The following A2M variants were observed in gnomAD, a reference collection of about 807,000 sequenced individuals.
The protein encoded by A2M is alpha-2-macroglobulin.
In A2M, 128 loss-of-function variants were observed where a neutral mutation model predicts 183.9. That is an observed-to-expected ratio of 0.70 (90% confidence interval 0.60 to 0.81). The LOEUF is 0.81. Among genes scored for constraint, A2M ranks in the 30% least tolerant of loss-of-function variants. The pLI, the probability that A2M is intolerant of heterozygous loss-of-function variation, is 0.00. For synonymous variants in A2M, 592 were observed against 670.8 expected, an observed-to-expected ratio of 0.88 and a Z score of 1.81; for missense variants, 1,495 against 1,787.6, an observed-to-expected ratio of 0.84 and a Z score of 2.95.
At chr12:9,084,723 G>A (rs1412626355) in intron 22 of A2M, among the ~76,000 whole-genome samples, 1 of 151,962 alleles carries the variant, frequency 6.6e-6, no homozygotes, top group Non-Finnish European at 1.5e-5. Context: ...CCATTTAAAA[G>A]ACATAAAGTG....
intron 22 of A2M, among the ~76,000 whole-genome samples, chr12:9,081,306 T>C (rs1341796986): frequency 6.6e-6 from 1 of 151,984 alleles, no homozygotes; most frequent in Non-Finnish European, 1.5e-5. Flanking sequence ...TTGGCAAAAA[T>C]TAAAATTAAA....
intron 12 of A2M, 43 bp downstream of exon 12, chr12:9,101,404 C>T: frequency 6.6e-7 from 1 of 1,524,054 alleles, no homozygotes; most frequent in Non-Finnish European, 9.0e-7. Flanking sequence ...CCACAGAGAG[C>T]TTTTGTCTAC....
In A2M at chr12:9,098,770, A is replaced by G. The variant is rs780835932; in HGVS notation, c.1702-14T>C. 6 of 1,611,042 alleles carry G rather than the reference A, an allele frequency of 3.7e-6. No individual in the cohort carries two copies. Among genetic ancestry groups the G allele is most frequent in the Non-Finnish European group, 8.5e-7 (1 of 1,178,748 alleles). ...GCTCAAATCCACCTGTGAAATTGGA[A>G]CAAAAGGTCAGAAAAGCAAATTTCC... On this transcript the variant is annotated splice_polypyrimidine_tract_variant and intron_variant, in intron 14 of 35. Coordinates refer to ENST00000318602, the MANE Select transcript of A2M (RefSeq NM_000014.6).
rs1938442152 is a variant in A2M, at chr12:9,108,096, C to T, written c.759-452G>A. Reference sequence around the variant, plus strand: ...GCAGCCATCTCTATATCGAGTTTCACTTGTTTATTTTATTTTATTTTATTT... The same window carrying T: ...GCAGCCATCTCTATATCGAGTTTCATTTGTTTATTTTATTTTATTTTATTT... On this transcript the variant is annotated intron_variant, in intron 7 of 35. Transcript: ENST00000318602. Among the ~76,000 whole-genome samples the T allele has an allele frequency of 2.8e-5, 4 of 141,578 alleles. No homozygotes were observed. The Admixed American group carries it at 2.9e-4, about 10-fold the overall frequency. 92.9% of individuals were successfully genotyped at this position (141,578 alleles called of 152,430 possible).
At chr12:9,103,181 A>G (rs1042210308) in intron 11 of A2M, among the ~76,000 whole-genome samples, 2 of 152,238 alleles carry the variant, frequency 1.3e-5, no homozygotes, top group Non-Finnish European at 2.9e-5. Context: ...ATTGGCTTTT[A>G]TAGTAAAAGT....
chr12:9,114,286 C>G (rs1010517450), intron 1 of A2M, among the ~76,000 whole-genome samples: 1 of 152,170 alleles, frequency 6.6e-6, no homozygotes, highest in African/African-American at 2.4e-5. Flanking sequence ...AAGATCAACC[C>G]TGTAGTTTTT....
At chr12:9,079,580 T>TA (rs1948845752) in intron 24 of A2M, 59 bp downstream of exon 24, 1 of 1,493,100 alleles carries the variant, frequency 6.7e-7, no homozygotes, top group Admixed American at 1.8e-5. Context: ...AACTGAAACC[T>TA]ACTGGGAAAT....
chr12:9,068,304 C>T, intron 34 of A2M, 80 bp from the exon 35 acceptor site: 3 of 1,443,160 alleles, frequency 2.1e-6, no homozygotes, highest in Non-Finnish European at 2.8e-6. Flanking sequence ...GGGATACAGG[C>T]CAAGGAAGGA....
chr12:9,098,027 G>A (rs893295770), intron 15 of A2M, among the ~76,000 whole-genome samples: 1 of 152,164 alleles, frequency 6.6e-6, no homozygotes, highest in Non-Finnish European at 1.5e-5. Context: ...TTGAAATGTT[G>A]AAACTAGTTT....
rs146538478 is a variant in A2M at position 9,093,908 on chromosome 12, C to G, written c.2126-329G>C. Among the ~76,000 whole-genome samples the G allele has an allele frequency of 1.4e-3, 206 of 151,872 alleles. 1 individual carries two copies. In the East Asian group the frequency reaches 0.026, roughly 19 times the overall value. On this transcript the variant is annotated intron_variant, in intron 17 of 35. Transcript: ENST00000318602. Reference sequence around the variant, plus strand: ...ACTTCGTCTCAAACAAACAAACAAACAAACAAACAACAAAAAAAAACAAGA... The same window carrying G: ...ACTTCGTCTCAAACAAACAAACAAAGAAACAAACAACAAAAAAAAACAAGA...
In A2M at chr12:9,072,358, C is replaced by T; in HGVS notation, c.4103+1G>A. 1 of 1,613,784 alleles carries T rather than the reference C, an allele frequency of 6.2e-7. No individual in the cohort carries two copies. The highest frequency in any genetic ancestry group is 8.5e-7 in the Non-Finnish European group (1 of 1,179,838). On this transcript the variant is annotated splice_donor_variant, in intron 31 of 35. Coordinates refer to ENST00000318602, the MANE Select transcript of A2M (RefSeq NM_000014.6). LOFTEE classifies it high-confidence loss of function. ...TAGGTGATAGAGTCAGAAGGTCTTA[C>T]CTGACACTTAGGGAGATTTGGAAGC...
At position 9,090,000 on chromosome 12, in the gene A2M, C is replaced by G. The variant is rs373992205; in HGVS notation, c.2620G>C (p.Ala874Pro). The change falls in exon 21 of 36, where the codon GCA becomes CCA. Residue 874 changes from alanine (A) to proline (P), a missense_variant. Physicochemically the swap from Ala to Pro is conservative, Grantham distance 27. Coordinates refer to ENST00000318602, the MANE Select transcript of A2M (RefSeq NM_000014.6). ...SLGNVNFTVS[A>P]EALESQELCG... is the part of the protein sequence containing the mutation. ...AGCTCTTGAGACTCTAGTGCCTCTG[C>G]GCTCACAGTGAAATTCACATTTCCT... is the stretch of plus-strand genomic sequence containing the variant. The G allele has an allele frequency of 8.8e-6, 14 of 1,597,326 alleles. No homozygotes were observed. The highest frequency in any genetic ancestry group is 1.2e-5 in the Non-Finnish European group (14 of 1,166,968).
chr12:9,076,911 A>T lies in A2M; in HGVS notation c.3377T>A (p.Phe1126Tyr). 6.2e-7 allele frequency: 1 copy of T among 1,606,118 alleles called. No individual in the cohort carries two copies. The highest frequency in any genetic ancestry group is 8.5e-7 in the Non-Finnish European group (1 of 1,175,620). Reference sequence around the variant, plus strand: ...TGTCTTCCAGGCTGACTCCAGGCAAAACAGGGCATTGCGGACAACAGGGTG... The same window carrying T: ...TGTCTTCCAGGCTGACTCCAGGCAATACAGGGCATTGCGGACAACAGGGTG... ...VTHPVVRNALFCLESAWKTAQ... is the reference protein window; with the variant it reads ...VTHPVVRNALYCLESAWKTAQ... Residue 1126 changes from phenylalanine to tyrosine, a missense_variant, in exon 28 of 36, where the codon TTT (phenylalanine) becomes TAT (tyrosine). Physicochemically the swap from Phe to Tyr is conservative, Grantham distance 22. Transcript: ENST00000318602.
At chr12:9,103,902 G>A (rs1325927975) in intron 11 of A2M, among the ~76,000 whole-genome samples, 7 of 152,126 alleles carry the variant, frequency 4.6e-5, no homozygotes, top group South Asian at 4.1e-4. Context: ...TTGAGACCCC[G>A]TTTTCGATTC....
intron 22 of A2M, among the ~76,000 whole-genome samples, chr12:9,087,168 GAATT>G (rs1949075953): frequency 2.6e-5 from 4 of 152,052 alleles, no homozygotes; most frequent in Admixed American, 6.5e-5. Flanking sequence ...TGGATTGGAA[GAATT>G]AATACTGTTA....
chr12:9,111,532 C>T (rs1305836026), intron 4 of A2M: 2 of 456,338 alleles, frequency 4.4e-6, no homozygotes, highest in Non-Finnish European at 8.8e-6. Flanking sequence ...ATATTTTAAG[C>T]CAACATGATT....
rs1937838551 is a variant in A2M at position 9,101,449 on chromosome 12, G to C, written c.1492C>G (p.Leu498Val). ...LGLKKLSFYY[L>V]IMAKGGIVRT... is the part of the protein sequence containing the mutation. ...AACGCAGTAACCTCCCTTCTCACCA[G>C]ATAATAGAAGGAGAGCTTCTTCAGC... The change falls in exon 12 of 36, where the codon CTG becomes GTG. Residue 498 changes from leucine to valine, a missense_variant and splice_region_variant. Leu to Val is a conservative substitution (Grantham distance 32). Transcript: ENST00000318602. 1 of 1,610,658 alleles carries C rather than the reference G, an allele frequency of 6.2e-7. No homozygotes were observed. Among genetic ancestry groups the C allele is most frequent in the South Asian group, 1.1e-5 (1 of 90,820 alleles).
intron 11 of A2M, among the ~76,000 whole-genome samples, chr12:9,102,263 T>C (rs1444626606): frequency 6.6e-6 from 1 of 152,200 alleles, no homozygotes; most frequent in African/African-American, 2.4e-5. Flanking sequence ...GCGCCCATGC[T>C]GGAGTACAGT....
In A2M at chr12:9,072,340, T is replaced by TA. The variant is rs758949722; in HGVS notation, c.4103+18dup. 2 of 1,612,728 alleles carry TA rather than the reference T, an allele frequency of 1.2e-6. No homozygotes were observed. Among genetic ancestry groups the TA allele is most frequent in the Non-Finnish European group, 8.5e-7 (1 of 1,179,546 alleles). On this transcript the variant is annotated intron_variant, in intron 31 of 35. Coordinates refer to ENST00000318602, the MANE Select transcript of A2M (RefSeq NM_000014.6). ...GGTGGTTATTCTTAGGATTAGGTGA[T>TA]AGAGTCAGAAGGTCTTACCTGACAC...
Sources: gnomAD v4.1 joint callset for allele counts (sites outside exome capture counted in the v4.1 genomes callset) on GRCh38, gnomAD v4.1.1 for gene constraint, MANE v1.5 for transcripts, NCBI Gene and HGNC (gene_info 2026-07-23, HGNC 2026-07-21) for gene names.